The following ALB variants were observed in gnomAD, a reference collection of about 807,000 sequenced individuals.
ALB encodes the protein serum albumin.
Under a neutral mutation model 74.5 loss-of-function variants are expected in ALB, and 37 were observed. The observed-to-expected ratio is 0.50, with a 90% confidence interval of 0.38 to 0.65. ALB has a LOEUF of 0.65. Among genes scored for constraint, ALB ranks in the 30% least tolerant of loss-of-function variants. The pLI, the probability that ALB is intolerant of heterozygous loss-of-function variation, is 0.00. For synonymous variants in ALB, 249 were observed against 251.6 expected (o/e 0.99, Z 0.10); for missense variants, 685 against 718.7 (o/e 0.95, Z 0.54).
chr4:73,409,711 A>G lies in ALB; in HGVS notation c.615+224A>G, dbSNP rs546410894. 2.6e-5 allele frequency among the ~76,000 whole-genome samples: 4 copies of G among 152,264 alleles called. No individual in the cohort carries two copies. The South Asian group carries it at 8.3e-4, about 32-fold the overall frequency. On this transcript the variant is annotated intron_variant, in intron 5 of 14. Transcript: ENST00000295897. ...GATCTGTCAGAGGTAATCACTGTGC[A>G]TGTGTTTAAAGATTTCACCACTTTT...
intron 6 of ALB, 124 bp downstream of exon 6, chr4:73,410,533 CAGGT>C: frequency 1.4e-6 from 1 of 720,848 alleles, no homozygotes; most frequent in African/African-American, 1.7e-5. Flanking sequence ...GGTTGTCTAA[CAGGT>C]AGAACTCTAA....
At chr4:73,407,053 T>C (rs1193444111) in intron 3 of ALB, among the ~76,000 whole-genome samples, 2 of 152,198 alleles carry the variant, frequency 1.3e-5, no homozygotes, top group Admixed American at 1.3e-4. Flanking sequence ...TGAGGTTTGG[T>C]TTCTTTTTGT....
chr4:73,412,152 G>T (rs983360723), intron 7 of ALB, 27 bp downstream of exon 7: 2 of 1,613,406 alleles, frequency 1.2e-6, no homozygotes, highest in African/African-American at 2.7e-5. Context: ...ATGCTTTTTG[G>T]TAGCTTGCAT....
chr4:73,412,267 G>C (rs972196659), intron 7 of ALB, 142 bp downstream of exon 7: 76 of 1,041,156 alleles, frequency 7.3e-5, no homozygotes, highest in Middle Eastern at 2.3e-4. Context: ...ATCTTTCCCT[G>C]CCTATGGTGG....
chr4:73,412,842 C>G (rs1329978065), intron 7 of ALB, among the ~76,000 whole-genome samples: 1 of 152,156 alleles, frequency 6.6e-6, no homozygotes, highest in Admixed American at 6.5e-5. Flanking sequence ...TATTCCTTCC[C>G]TTAATTAACT....
chr4:73,411,384 G>A (rs1264611924), intron 6 of ALB, among the ~76,000 whole-genome samples: 1 of 152,156 alleles, frequency 6.6e-6, no homozygotes, highest in Non-Finnish European at 1.5e-5. Flanking sequence ...TTGTCATAGA[G>A]TTTGAAGATA....
chr4:73,412,069 A>G lies in ALB; in HGVS notation c.787A>G (p.Thr263Ala), dbSNP rs749423935. 4 of 1,614,184 alleles carry G rather than the reference A, an allele frequency of 2.5e-6. No individual in the cohort carries two copies. In the Admixed American group the frequency reaches 6.7e-5, roughly 27 times the overall value. Residue 263 changes from threonine (T) to alanine (A), a missense_variant, in exon 7 of 15, where the codon ACC (threonine) becomes GCC (alanine). Physicochemically the swap from Thr to Ala is moderately conservative, Grantham distance 58 (BLOSUM62 0). Coordinates refer to ENST00000295897, the MANE Select transcript of ALB (RefSeq NM_000477.7). ...AEVSKLVTDL[T>A]KVHTECCHGD... ...AGTTTCCAAGTTAGTGACAGATCTTACCAAAGTCCACACGGAATGCTGCCA... is the reference window on the plus strand; with the variant it reads ...AGTTTCCAAGTTAGTGACAGATCTTGCCAAAGTCCACACGGAATGCTGCCA...
chr4:73,411,940 T>A, intron 6 of ALB, 56 bp from the exon 7 acceptor site: 1 of 1,608,332 alleles, frequency 6.2e-7, no homozygotes. Flanking sequence ...TTGCCTAGTG[T>A]TTTCATATAA....
At chr4:73,417,708 A>C in intron 11 of ALB, 39 bp downstream of exon 11, 1 of 1,477,296 alleles carries the variant, frequency 6.8e-7, no homozygotes, top group Non-Finnish European at 9.1e-7. Flanking sequence ...AATAATGAAA[A>C]AATTTTACCT....
chr4:73,404,440 A>G lies in ALB; in HGVS notation c.79+34A>G, dbSNP rs60753955. 3.9e-6 allele frequency: 6 copies of G among 1,543,920 alleles called. No individual in the cohort carries two copies. The East Asian group carries it at 1.4e-4, about 35-fold the overall frequency. ...TCCATTTTTCTATTGTTCAACTTTT[A>G]TTCTATTTTCCCAGTAAAATAAAGT... On this transcript the variant is annotated intron_variant, in intron 1 of 14. Coordinates refer to ENST00000295897, the MANE Select transcript of ALB (RefSeq NM_000477.7).
chr4:73,411,867 A>T, intron 6 of ALB, 129 bp from the exon 7 acceptor site: 1 of 1,179,522 alleles, frequency 8.5e-7, no homozygotes, highest in Admixed American at 1.9e-5. Flanking sequence ...CAGAACTAGA[A>T]CTAATGAATT....
chr4:73,412,298 C>A (rs1327473396), intron 7 of ALB, 173 bp downstream of exon 7: 3 of 791,432 alleles, frequency 3.8e-6, no homozygotes, highest in Non-Finnish European at 6.4e-6. Flanking sequence ...CTGTTTTTAA[C>A]CTGGCTATAA....
rs1718797780 is a variant in ALB at position 73,408,807 on chromosome 4, T to C, written c.482+2T>C. The stretch of plus-strand genomic sequence containing the variant: ...CAATGAAGAGACATTTTTGAAAAAG[T>C]AAGTAATCAGATGTTTATAGTTCAA... On this transcript the variant is annotated splice_donor_variant, in intron 4 of 14. Transcript: ENST00000295897. LOFTEE classifies it high-confidence loss of function. 1.9e-6 allele frequency: 3 copies of C among 1,612,008 alleles called. No individual in the cohort carries two copies. The highest frequency in any genetic ancestry group is 1.7e-6 in the Non-Finnish European group (2 of 1,178,490).
At chr4:73,411,829 C>T (rs968709926) in intron 6 of ALB, among the ~76,000 whole-genome samples, 167 bp from the exon 7 acceptor site, 11 of 152,086 alleles carry the variant, frequency 7.2e-5, no homozygotes, top group Admixed American at 3.3e-4. Flanking sequence ...ATAATTCTGC[C>T]CTAAGGATAA....
At position 73,417,634 on chromosome 4, in the gene ALB, C is replaced by G. The variant is rs1342160557; in HGVS notation, c.1393C>G (p.Pro465Ala). ...AGTGGGCAGCAAATGTTGTAAACAT[C>G]CTGAAGCAAAAAGAATGCCCTGTGC... ...GKVGSKCCKH[P>A]EAKRMPCAED... The change falls in exon 11 of 15, where the codon CCT (proline) becomes GCT (alanine). Residue 465 changes from proline to alanine, a missense_variant. Physicochemically the swap from Pro to Ala is conservative, Grantham distance 27. Transcript: ENST00000295897. 6.2e-7 allele frequency: 1 copy of G among 1,613,526 alleles called. No individual in the cohort carries two copies. Among genetic ancestry groups the G allele is most frequent in the Non-Finnish European group, 8.5e-7 (1 of 1,179,802 alleles).
At chr4:73,406,829 T>A in intron 3 of ALB, 68 bp downstream of exon 3, 1 of 1,573,988 alleles carries the variant, frequency 6.4e-7, no homozygotes, top group South Asian at 1.1e-5. Context: ...TCAAAGGAAT[T>A]TTTTTTAAGT....
In ALB at chr4:73,408,707, A is replaced by T; in HGVS notation, c.384A>T (p.Gln128His). The part of the protein sequence containing the change: ...QEPERNECFL[Q>H]HKDDNPNLPR... ...CTGAGAGAAATGAATGCTTCTTGCA[A>T]CACAAAGATGACAACCCAAACCTCC... The change falls in exon 4 of 15, where the codon CAA (glutamine) becomes CAT (histidine). Residue 128 changes from glutamine to histidine, a missense_variant. Gln to His is a conservative substitution (Grantham distance 24). Transcript: ENST00000295897. 6.2e-7 allele frequency: 1 copy of T among 1,614,064 alleles called. No individual in the cohort carries two copies. Among genetic ancestry groups the T allele is most frequent in the East Asian group, 2.2e-5 (1 of 44,868 alleles).
intron 3 of ALB, among the ~76,000 whole-genome samples, chr4:73,407,090 G>GTATT (rs1001405633): frequency 9.2e-5 from 14 of 152,060 alleles, no homozygotes; most frequent in African/African-American, 2.9e-4. Context: ...ATGATAGCAT[G>GTATT]TATTTATTTA....
rs867930468 is a variant in ALB, at chr4:73,404,397, C to T, written c.70C>T (p.Arg24Ter). 1.9e-6 allele frequency: 3 copies of T among 1,611,912 alleles called. No individual in the cohort carries two copies. Among genetic ancestry groups the T allele is most frequent in the South Asian group, 1.1e-5 (1 of 91,012 alleles). Reference sequence around the variant, plus strand: ...GGCTTATTCCAGGGGTGTGTTTCGTCGAGATGCACGTAAGAAATCCATTTT... The same window carrying T: ...GGCTTATTCCAGGGGTGTGTTTCGTTGAGATGCACGTAAGAAATCCATTTT... ...SSAYSRGVFRRDAHKSEVAHR... is the reference protein window; with the variant it reads ...SSAYSRGVFR The change falls in exon 1 of 15, where the codon CGA (arginine) becomes TGA (stop). Residue 24 changes from arginine to a stop codon, truncating the protein, a stop_gained. Transcript: ENST00000295897. LOFTEE classifies it high-confidence loss of function.
Sources: gnomAD v4.1 joint callset for allele counts (sites outside exome capture counted in the v4.1 genomes callset) on GRCh38, gnomAD v4.1.1 for gene constraint, MANE v1.5 for transcripts, NCBI Gene and HGNC (gene_info 2026-07-23, HGNC 2026-07-21) for gene names.